Variants in EYA2 observed in about 807,000 individuals in gnomAD.
EYA2 encodes the protein protein phosphatase EYA2.
EYA2 carries 31 observed loss-of-function variants against 69.2 expected under a neutral mutation model. That is an observed-to-expected ratio of 0.45 (90% CI 0.34 to 0.60). EYA2 has a LOEUF of 0.60. Ranked by LOEUF, EYA2 falls within the 20% of genes least tolerant of loss-of-function variation. The pLI is 0.02. For missense variants in EYA2, 622 were observed against 701.2 expected, an observed-to-expected ratio of 0.89 and a Z score of 1.28; for synonymous variants, 257 against 279.4, an observed-to-expected ratio of 0.92 and a Z score of 0.80.
chr20:47,115,081 T>C (rs2032853229), intron 9 of EYA2, among the ~76,000 whole-genome samples: 1 of 152,216 alleles, frequency 6.6e-6, no homozygotes, highest in African/African-American at 2.4e-5. Flanking sequence ...CAAAGATACT[T>C]TCGGGCATGC....
rs542710503 is a variant in EYA2 at position 47,082,323 on chromosome 20, A to G, written c.662-6916A>G. Among the ~76,000 whole-genome samples, 7 of 152,290 alleles carry G rather than the reference A, an allele frequency of 4.6e-5. No homozygotes were observed. In the East Asian group the frequency reaches 1.3e-3, roughly 29 times the overall value. ...AAGTAAAACTTCATGAAGTAAAGAG[A>G]TAAAATGACCTGGTCACCTATGTAG... is the stretch of plus-strand genomic sequence containing the variant. On this transcript the variant is annotated intron_variant, in intron 7 of 15. Transcript: ENST00000327619.
chr20:47,021,956 C>T (rs1386389540), intron 5 of EYA2, among the ~76,000 whole-genome samples: 1 of 152,070 alleles, frequency 6.6e-6, no homozygotes, highest in Non-Finnish European at 1.5e-5. Flanking sequence ...CTGTGTTCCA[C>T]AGTTCTAGTG....
In EYA2 at chr20:47,054,344, G is replaced by T. The variant is rs114076274; in HGVS notation, c.416-17841G>T. On this transcript the variant is annotated intron_variant, in intron 5 of 15. Transcript: ENST00000327619. ...GAATGACGCTAAGGAAATAGATCAC[G>T]TCTCATTCATCGCAGTTTCCCCTGA... 3.6e-3 allele frequency among the ~76,000 whole-genome samples: 545 copies of T among 152,280 alleles called. 6 individuals are homozygous for T. Among genetic ancestry groups the T allele is most frequent in the African/African-American group, 0.012 (508 of 41,542 alleles).
chr20:47,001,927 T>C (rs1018248361), intron 3 of EYA2, among the ~76,000 whole-genome samples: 1 of 151,364 alleles, frequency 6.6e-6, no homozygotes, highest in African/African-American at 2.4e-5. Flanking sequence ...CTTTTCAATC[T>C]CCCTTCTATT....
chr20:47,074,555 G>A lies in EYA2; in HGVS notation c.661+220G>A, dbSNP rs529113034. Among the ~76,000 whole-genome samples the A allele has an allele frequency of 1.6e-4, 24 of 152,282 alleles. No individual in the cohort carries two copies. The South Asian group carries it at 4.6e-3, about 29-fold the overall frequency. ...TCCATCTCTCAGACATGTTTTGTTG[G>A]CCTGTTTGTGCATGTGTTTAATTGC... On this transcript the variant is annotated intron_variant, in intron 7 of 15. Coordinates refer to ENST00000327619, the MANE Select transcript of EYA2 (RefSeq NM_005244.5).
At chr20:47,040,153 T>G (rs1004163110) in intron 5 of EYA2, among the ~76,000 whole-genome samples, 7 of 152,168 alleles carry the variant, frequency 4.6e-5, no homozygotes, top group African/African-American at 1.7e-4. Flanking sequence ...GATCAAATAC[T>G]TAATAGAGGC....
chr20:47,027,809 G>A (rs1984182983), intron 5 of EYA2, among the ~76,000 whole-genome samples: 1 of 152,174 alleles, frequency 6.6e-6, no homozygotes, highest in Admixed American at 6.5e-5. Context: ...ACTGAAATGT[G>A]GTTAGTGCAA....
At chr20:47,000,782 T>C (rs575699598) in intron 2 of EYA2, among the ~76,000 whole-genome samples, 16 of 152,190 alleles carry the variant, frequency 1.1e-4, no homozygotes, top group Non-Finnish European at 1.3e-4. Flanking sequence ...GTCATCCATC[T>C]CTCTGCTCCA....
At chr20:47,163,270 A>G (rs1314366307) in intron 10 of EYA2, among the ~76,000 whole-genome samples, 4 of 152,148 alleles carry the variant, frequency 2.6e-5, no homozygotes, top group East Asian at 1.9e-4. Flanking sequence ...ACCTCAAGCT[A>G]TCTGCCCACC....
At chr20:46,901,638 G>T (rs372899726) in intron 1 of EYA2, 2 of 152,298 alleles carry the variant, frequency 1.3e-5, no homozygotes, top group Non-Finnish European at 2.9e-5. Context: ...GTTTCAGGGT[G>T]TTCTAGAAAC....
At chr20:46,953,580 A>T (rs1394206634) in intron 1 of EYA2, among the ~76,000 whole-genome samples, 4 of 152,162 alleles carry the variant, frequency 2.6e-5, no homozygotes, top group Non-Finnish European at 5.9e-5. Context: ...CTGGGGCCTG[A>T]TAATTCTTCC....
At chr20:46,915,622 T>C (rs1984867156) in intron 1 of EYA2, among the ~76,000 whole-genome samples, 2 of 152,200 alleles carry the variant, frequency 1.3e-5, no homozygotes. Flanking sequence ...ACCCTACAGA[T>C]GTGCTTTCTT....
chr20:47,014,695 AATAC>A (rs1265797812), intron 4 of EYA2, among the ~76,000 whole-genome samples: 7 of 151,046 alleles, frequency 4.6e-5, no homozygotes, highest in South Asian at 4.2e-4. Flanking sequence ...AGCTGCAGCA[AATAC>A]ATATGTATAT....
chr20:46,901,923 C>T (rs889228639), intron 1 of EYA2, among the ~76,000 whole-genome samples: 1 of 152,226 alleles, frequency 6.6e-6, no homozygotes, highest in Non-Finnish European at 1.5e-5. Flanking sequence ...GTCCAGTGCT[C>T]TCCTCTTGCT....
chr20:47,167,752 C>A (rs775963338), intron 10 of EYA2, among the ~76,000 whole-genome samples: 12 of 152,246 alleles, frequency 7.9e-5, no homozygotes, highest in Admixed American at 5.2e-4. Context: ...AGGGCCCACC[C>A]CGACAGCCAA....
intron 1 of EYA2, among the ~76,000 whole-genome samples, chr20:46,930,898 G>A (rs1252440460): frequency 6.6e-6 from 1 of 152,136 alleles, no homozygotes; most frequent in Non-Finnish European, 1.5e-5. Context: ...AACCAAGAAC[G>A]TCACTTAGGA....
intron 11 of EYA2, among the ~76,000 whole-genome samples, chr20:47,169,726 A>G (rs2034280594): frequency 6.6e-6 from 1 of 152,146 alleles, no homozygotes; most frequent in African/African-American, 2.4e-5. Flanking sequence ...CAAAATGTTG[A>G]AAATACCCTT....
chr20:47,059,717 T>A (rs190908384), intron 5 of EYA2, among the ~76,000 whole-genome samples: 10 of 152,350 alleles, frequency 6.6e-5, no homozygotes, highest in African/African-American at 2.4e-4. Flanking sequence ...CATTTGGGGC[T>A]TTCCCCAAAC....
In EYA2 at chr20:46,902,421, C is replaced by T. The variant is rs183942984; in HGVS notation, c.-11+7434C>T. 6.6e-4 allele frequency among the ~76,000 whole-genome samples: 100 copies of T among 152,232 alleles called. 2 individuals are homozygous for T. Among genetic ancestry groups the T allele is most frequent in the Admixed American group, 5.8e-3 (89 of 15,300 alleles). Reference sequence around the variant, plus strand: ...TGTCTCCAAATGGCAGTAGATGGAACGTGCTGTTATTATTATTTCTATTTT... The same window carrying T: ...TGTCTCCAAATGGCAGTAGATGGAATGTGCTGTTATTATTATTTCTATTTT... On this transcript the variant is annotated intron_variant, in intron 1 of 15. Coordinates refer to ENST00000327619, the MANE Select transcript of EYA2 (RefSeq NM_005244.5).
Sources: gnomAD v4.1 joint callset for allele counts (sites outside exome capture counted in the v4.1 genomes callset) on GRCh38, gnomAD v4.1.1 for gene constraint, MANE v1.5 for transcripts, NCBI Gene and HGNC (gene_info 2026-07-23, HGNC 2026-07-21) for gene names.